ARHGAP22: variants seen among roughly 807,000 people sequenced by gnomAD.
The protein encoded by ARHGAP22 is Rho GTPase activating protein 22.
A neutral mutation model predicts 59.1 loss-of-function variants in ARHGAP22; 48 were observed. The observed-to-expected ratio is 0.81, with a 90% CI of 0.64 to 1.03. ARHGAP22 has a LOEUF of 1.03. Among genes scored for constraint, ARHGAP22 ranks in the 50% least tolerant of loss-of-function variants. The pLI is 0.00. For synonymous variants in ARHGAP22, 445 were observed against 416.4 expected, an observed-to-expected ratio of 1.07 and a Z score of -0.84; for missense variants, 1,015 against 958.7, an observed-to-expected ratio of 1.06 and a Z score of -0.78.
At chr10:48,507,978 T>C (rs7906942) in intron 3 of ARHGAP22, among the ~76,000 whole-genome samples, 98,371 of 149,960 alleles carry the variant, frequency 0.66, 33,904 homozygotes, top group East Asian at 0.98. Flanking sequence ...TGAAGCCCTG[T>C]AGCTGCTGAG....
At chr10:48,530,236 C>CAAAAAAAAAAA (rs60902650) in intron 3 of ARHGAP22, among the ~76,000 whole-genome samples, 9 of 49,034 alleles carry the variant, frequency 1.8e-4, no homozygotes, top group African/African-American at 2.8e-4. Flanking sequence ...GACTCCATTG[C>CAAAAAAAAAAA]AAAAAAAAAA....
chr10:48,649,205 A>C (rs758561338), intron 1 of ARHGAP22, among the ~76,000 whole-genome samples: 1 of 152,088 alleles, frequency 6.6e-6, no homozygotes, highest in Admixed American at 6.6e-5. Context: ...CAACTGCTTC[A>C]GCGCCCCTCT....
intron 2 of ARHGAP22, among the ~76,000 whole-genome samples, chr10:48,579,615 G>A (rs2058983951): frequency 1.3e-5 from 2 of 152,218 alleles, no homozygotes; most frequent in Non-Finnish European, 1.5e-5. Flanking sequence ...AGCAAGATGG[G>A]GAGAGGGGAA....
chr10:48,439,399 TAA>T, the ARHGAP22 span: 1 of 151,808 alleles, frequency 6.6e-6, no homozygotes, highest in East Asian at 1.9e-4. Context: ...CTGTTTGTGG[TAA>T]AGTTTTTCTT....
At chr10:48,504,103 C>T (rs888979355) in intron 3 of ARHGAP22, among the ~76,000 whole-genome samples, 1 of 152,064 alleles carries the variant, frequency 6.6e-6, no homozygotes, top group African/African-American at 2.4e-5. Flanking sequence ...GGATAAGCTG[C>T]CTGCTGCCCT....
In ARHGAP22 at chr10:48,455,065, G is replaced by T; in HGVS notation, c.729C>A (p.Val243=). Residue 243 remains valine, a synonymous_variant, in exon 6 of 10, where the codon GTC becomes GTA. Transcript: ENST00000249601. ...LYLRELPEPV[V]PFARYEDFLS... ...GGAAGTCCTCGTACCTGGCGAAGGG[G>T]ACCACGGGCTCGGGGAGCTCCCGCA... The T allele has an allele frequency of 6.2e-7, 1 of 1,612,570 alleles. No individual in the cohort carries two copies. Among genetic ancestry groups the T allele is most frequent in the Non-Finnish European group, 8.5e-7 (1 of 1,179,600 alleles).
At chr10:48,503,607 C>A (rs6537564) in intron 3 of ARHGAP22, among the ~76,000 whole-genome samples, 35,682 of 152,188 alleles carry the variant, frequency 0.23, 7,289 homozygotes, top group East Asian at 0.59. Flanking sequence ...GGCTATTATC[C>A]CGCTGTCCTT....
At chr10:48,560,387 T>G (rs2120910) in intron 2 of ARHGAP22, among the ~76,000 whole-genome samples, 109,325 of 152,020 alleles carry the variant, frequency 0.72, 40,319 homozygotes, top group East Asian at 0.91. Flanking sequence ...AACTCATTTT[T>G]TACTTCAGTA....
intron 9 of ARHGAP22, among the ~76,000 whole-genome samples, chr10:48,449,190 T>G (rs1003783106): frequency 1.1e-4 from 16 of 152,256 alleles, no homozygotes; most frequent in Non-Finnish European, 5.9e-5. Context: ...CTGCAGCAGA[T>G]AGCATCTTCT....
At chr10:48,539,866 T>TG (rs1392139859) in intron 3 of ARHGAP22, among the ~76,000 whole-genome samples, 1 of 152,230 alleles carries the variant, frequency 6.6e-6, no homozygotes, top group Non-Finnish European at 1.5e-5. Flanking sequence ...TTAAATACAT[T>TG]GACTTATAAT....
intron 1 of ARHGAP22, among the ~76,000 whole-genome samples, chr10:48,647,966 T>C (rs2062383261): frequency 6.6e-6 from 1 of 152,196 alleles, no homozygotes; most frequent in Non-Finnish European, 1.5e-5. Flanking sequence ...CTTCCGTTTA[T>C]AGAAAATGTC....
intron 3 of ARHGAP22, among the ~76,000 whole-genome samples, chr10:48,542,771 G>A (rs1236456735): frequency 1.3e-5 from 2 of 152,212 alleles, no homozygotes; most frequent in African/African-American, 2.4e-5. Context: ...CCCCAATCCA[G>A]GTGCCTAGTG....
intron 3 of ARHGAP22, among the ~76,000 whole-genome samples, chr10:48,495,598 A>ATC (rs1336272049): frequency 6.6e-6 from 1 of 151,620 alleles, no homozygotes; most frequent in East Asian, 1.9e-4. Flanking sequence ...TCCAGGCTCC[A>ATC]TCCCTTGGTG....
At chr10:48,446,741 A>G (rs1589381487) in intron 9 of ARHGAP22, 122 bp from the exon 10 acceptor site, 1 of 960,492 alleles carries the variant, frequency 1.0e-6, no homozygotes, top group Non-Finnish European at 1.5e-6. Flanking sequence ...CGGCAGGAGG[A>G]AACCCTGGCT....
intron 4 of ARHGAP22, among the ~76,000 whole-genome samples, chr10:48,476,150 C>G (rs1212428590): frequency 2.6e-5 from 4 of 152,230 alleles, no homozygotes; most frequent in African/African-American, 9.6e-5. Context: ...GTGCCTGTCC[C>G]TCCAGCTCGC....
intron 4 of ARHGAP22, among the ~76,000 whole-genome samples, chr10:48,462,809 CTG>C (rs979925308): frequency 3.3e-5 from 5 of 152,242 alleles, no homozygotes; most frequent in Admixed American, 6.5e-5. Context: ...CAAGCTTGGC[CTG>C]CTAGCTGCCA....
intron 2 of ARHGAP22, among the ~76,000 whole-genome samples, chr10:48,580,306 A>G (rs1016291529): frequency 1.4e-4 from 21 of 152,134 alleles, no homozygotes; most frequent in African/African-American, 5.1e-4. Context: ...CAGGGGAGGG[A>G]GAGGAGTGTC....
At chr10:48,512,403 C>T (rs1404405036) in intron 3 of ARHGAP22, among the ~76,000 whole-genome samples, 1 of 152,238 alleles carries the variant, frequency 6.6e-6, no homozygotes, top group Non-Finnish European at 1.5e-5. Flanking sequence ...ATAAAGTCCA[C>T]TTGAGGGCTA....
intron 1 of ARHGAP22, among the ~76,000 whole-genome samples, chr10:48,623,304 G>A (rs1296363435): frequency 6.6e-6 from 1 of 152,214 alleles, no homozygotes; most frequent in East Asian, 1.9e-4. Flanking sequence ...GGGCAGCCTG[G>A]GTCTGACTGG....
Sources: allele counts gnomAD v4.1 joint callset (sites outside exome capture counted in the v4.1 genomes callset), GRCh38; gene constraint gnomAD v4.1.1; transcripts MANE v1.5; gene names NCBI Gene and HGNC (gene_info 2026-07-23, HGNC 2026-07-21).